SHROOM2: variants seen among roughly 807,000 people sequenced by gnomAD.
SHROOM2 encodes the protein protein Shroom2.
In SHROOM2, 33 loss-of-function variants were observed where a neutral mutation model predicts 75.9. The observed-to-expected ratio is 0.43, with a 90% CI of 0.33 to 0.58. SHROOM2 has a LOEUF of 0.58. SHROOM2 is among the 20% of genes least tolerant of loss of function. SHROOM2 has a pLI of 0.04. For missense variants in SHROOM2, 1,434 were observed against 1,461.2 expected (o/e 0.98, Z 0.30); for synonymous variants, 655 against 663.6 (o/e 0.99, Z 0.20).
intron 5 of SHROOM2, among the ~76,000 whole-genome samples, chrX:9,925,904 G>A (rs758227314): frequency 3.6e-5 from 4 of 111,862 alleles, no homozygotes; most frequent in South Asian, 3.7e-4. Context: ...ACCCCTCACC[G>A]GCTGGCTTGG....
chrX:9,818,407 C>T (rs1323026696), intron 1 of SHROOM2: 1 of 248,252 alleles, frequency 4.0e-6, no homozygotes, highest in South Asian at 5.6e-5. Flanking sequence ...TACTTTGACA[C>T]GAATCTCTTT....
chrX:9,929,362 C>T (rs2084626034), intron 5 of SHROOM2, among the ~76,000 whole-genome samples: 1 of 112,179 alleles, frequency 8.9e-6, no homozygotes, highest in Non-Finnish European at 1.9e-5. Flanking sequence ...GAGCGCGCCC[C>T]GTGCTGCACT....
At chrX:9,862,418 G>C (rs1456663562) in intron 1 of SHROOM2, among the ~76,000 whole-genome samples, 2 of 109,597 alleles carry the variant, frequency 1.8e-5, no homozygotes, top group Non-Finnish European at 3.8e-5. Flanking sequence ...GAGGGCCACC[G>C]CTGGCTGGAG....
chrX:9,858,940 G>A (rs1242965219), intron 1 of SHROOM2, among the ~76,000 whole-genome samples: 5 of 110,293 alleles, frequency 4.5e-5, no homozygotes, highest in Admixed American at 9.6e-5. Context: ...GAGGCCGGGC[G>A]CGGTGGCTCA....
In SHROOM2 at chrX:9,896,592, G is replaced by A; in HGVS notation, c.2684G>A (p.Cys895Tyr). 1 of 1,209,980 alleles carries A rather than the reference G, an allele frequency of 8.3e-7. No individual in the cohort carries two copies. Among genetic ancestry groups the A allele is most frequent in the African/African-American group, 1.7e-5 (1 of 57,959 alleles). ...KPLEARSSGRCHSADDILDVS... is the reference protein window; with the variant it reads ...KPLEARSSGRYHSADDILDVS... ...CTGGAGGCCAGGAGCTCTGGGCGCTGCCACTCAGCGGATGACATCCTGGAT... is the reference window on the plus strand; with the variant it reads ...CTGGAGGCCAGGAGCTCTGGGCGCTACCACTCAGCGGATGACATCCTGGAT... Residue 895 changes from cysteine to tyrosine, a missense_variant, in exon 4 of 10, where the codon TGC becomes TAC. This residue lies in a region of SHROOM2 where 1,340 missense variants were observed against 1,338.3 expected (regional missense o/e 1.00). Coordinates refer to ENST00000380913, the MANE Select transcript of SHROOM2 (RefSeq NM_001649.4).
chrX:9,863,665 C>G (rs1248634698), intron 1 of SHROOM2, among the ~76,000 whole-genome samples: 36 of 109,017 alleles, frequency 3.3e-4, no homozygotes. Flanking sequence ...GTTACCCAGA[C>G]AGGAGTGCAG....
At chrX:9,923,464 G>C (rs1386409721) in intron 5 of SHROOM2, among the ~76,000 whole-genome samples, 1 of 112,677 alleles carries the variant, frequency 8.9e-6, no homozygotes, top group Admixed American at 9.3e-5. Context: ...GAGGTTGGGA[G>C]TTCCGGAGGG....
chrX:9,929,882 A>C (rs952927013), intron 5 of SHROOM2, among the ~76,000 whole-genome samples: 1 of 111,117 alleles, frequency 9.0e-6, no homozygotes, highest in African/African-American at 3.3e-5. Flanking sequence ...TGTGATAGCA[A>C]ATAAGTCTCA....
At chrX:9,864,694 G>A (rs1231906056) in intron 1 of SHROOM2, among the ~76,000 whole-genome samples, 1 of 108,003 alleles carries the variant, frequency 9.3e-6, no homozygotes, top group African/African-American at 3.3e-5. Flanking sequence ...GCGTAGTGGC[G>A]GGCGCCTGTA....
rs749251642 is a variant in SHROOM2, at chrX:9,846,470, T to C, written c.166-27182T>C. ...CCACCACACCCAGATAATTTTTTTG[T>C]ATTTTTAGTAGAGACGGCGTTTCAC... On this transcript the variant is annotated intron_variant, in intron 1 of 9. Transcript: ENST00000380913. Among the ~76,000 whole-genome samples, 3 of 111,489 alleles carry C rather than the reference T, an allele frequency of 2.7e-5. No individual in the cohort carries two copies. The East Asian group carries it at 8.5e-4, about 31-fold the overall frequency.
At chrX:9,922,243 G>A (rs1363266290) in intron 5 of SHROOM2, among the ~76,000 whole-genome samples, 2 of 110,694 alleles carry the variant, frequency 1.8e-5, no homozygotes, top group South Asian at 3.9e-4. Context: ...CTTTTCTTTC[G>A]GTACCAGATC....
At chrX:9,846,431 A>T (rs1399293066) in intron 1 of SHROOM2, among the ~76,000 whole-genome samples, 1 of 111,885 alleles carries the variant, frequency 8.9e-6, no homozygotes, top group African/African-American at 3.3e-5. Context: ...AGTAGCTGGG[A>T]CTACAGGCAC....
At chrX:9,870,651 T>C (rs1014049824) in intron 1 of SHROOM2, among the ~76,000 whole-genome samples, 2 of 112,503 alleles carry the variant, frequency 1.8e-5, no homozygotes, top group Admixed American at 9.4e-5. Context: ...ACTATCAGAA[T>C]GTACTTAAAG....
At chrX:9,904,116 A>G (rs2084379000) in intron 5 of SHROOM2, among the ~76,000 whole-genome samples, 1 of 110,826 alleles carries the variant, frequency 9.0e-6, no homozygotes. Flanking sequence ...AAAGTGACCA[A>G]TGCCCCAAGA....
At chrX:9,854,248 T>C (rs1356836270) in intron 1 of SHROOM2, among the ~76,000 whole-genome samples, 1 of 112,772 alleles carries the variant, frequency 8.9e-6, no homozygotes, top group African/African-American at 3.2e-5. Flanking sequence ...AAAGAAGAAA[T>C]GCCACTCAAA....
chrX:9,829,388 AC>A (rs2083904327), intron 1 of SHROOM2, among the ~76,000 whole-genome samples: 1 of 111,687 alleles, frequency 9.0e-6, no homozygotes, highest in Admixed American at 9.5e-5. Context: ...CTAGTCAGAG[AC>A]CCCACTTTTC....
intron 1 of SHROOM2, among the ~76,000 whole-genome samples, chrX:9,851,446 C>CTT (rs746715538): frequency 0.34 from 20,430 of 60,722 alleles, 3,782 homozygotes; most frequent in Non-Finnish European, 0.44. Flanking sequence ...CAGGATATTG[C>CTT]TTTTTTTTTT....
At chrX:9,905,501 A>G (rs1236472740) in intron 5 of SHROOM2, among the ~76,000 whole-genome samples, 1 of 112,663 alleles carries the variant, frequency 8.9e-6, no homozygotes, top group Non-Finnish European at 1.9e-5. Context: ...ACAGCTCACC[A>G]CCGCCTCCAA....
intron 5 of SHROOM2, among the ~76,000 whole-genome samples, chrX:9,917,300 G>A (rs2239420): frequency 0.16 from 17,958 of 110,823 alleles, 1,175 homozygotes; most frequent in Non-Finnish European, 0.2. Flanking sequence ...TCTGCTTTTT[G>A]TTTACATTTG....
Sources: gnomAD v4.1 joint callset for allele counts (sites outside exome capture counted in the v4.1 genomes callset) on GRCh38, gnomAD v4.1.1 for gene constraint, gnomAD v4.1.1 regional missense constraint, MANE v1.5 for transcripts, NCBI Gene and HGNC (gene_info 2026-07-23, HGNC 2026-07-21) for gene names.